Variants in SNTG2 observed in about 807,000 individuals in gnomAD.
The protein encoded by SNTG2 is syntrophin gamma 2.
SNTG2 carries 74 observed loss-of-function variants against 70.9 expected under a neutral mutation model. The observed-to-expected ratio is 1.04, with a 90% confidence interval of 0.86 to 1.27. SNTG2 has a LOEUF of 1.27. Among genes scored for constraint, SNTG2 ranks in the 50% most tolerant of loss-of-function variants. SNTG2 has a pLI of 0.00. For missense variants in SNTG2, 717 were observed against 690.7 expected, an observed-to-expected ratio of 1.04 and a Z score of -0.43; for synonymous variants, 278 against 273.8, an observed-to-expected ratio of 1.02 and a Z score of -0.15.
At chr2:1,222,103 C>CTGTCTG (rs1675187181) in intron 9 of SNTG2, among the ~76,000 whole-genome samples, 1 of 67,872 alleles carries the variant, frequency 1.5e-5, no homozygotes, top group African/African-American at 6.3e-5. Context: ...CTGTCTCTCT[C>CTGTCTG]TGTCTCTCTC....
At chr2:1,265,392 A>G (rs112122892) in intron 13 of SNTG2, among the ~76,000 whole-genome samples, 1 of 152,222 alleles carries the variant, frequency 6.6e-6, no homozygotes, top group African/African-American at 2.4e-5. Context: ...ACACATGTTC[A>G]TGTGTGCACA....
intron 12 of SNTG2, among the ~76,000 whole-genome samples, chr2:1,253,438 G>A (rs1354659157): frequency 6.6e-6 from 1 of 152,218 alleles, no homozygotes; most frequent in Non-Finnish European, 1.5e-5. Flanking sequence ...GCCAGTGAGT[G>A]TTGCTCAGAA....
At chr2:954,800 C>T (rs1267683310) in intron 1 of SNTG2, among the ~76,000 whole-genome samples, 2 of 152,194 alleles carry the variant, frequency 1.3e-5, no homozygotes, top group Non-Finnish European at 2.9e-5. Flanking sequence ...GCTTCTTCAC[C>T]CCATCAGCCT....
intron 1 of SNTG2, among the ~76,000 whole-genome samples, chr2:984,514 T>C (rs1661240758): frequency 6.6e-6 from 1 of 152,204 alleles, no homozygotes; most frequent in African/African-American, 2.4e-5. Flanking sequence ...AAATGCCATC[T>C]ACCCTCTCCC....
At chr2:1,010,267 C>G (rs1659692730) in intron 1 of SNTG2, among the ~76,000 whole-genome samples, 1 of 152,150 alleles carries the variant, frequency 6.6e-6, no homozygotes, top group Admixed American at 6.5e-5. Flanking sequence ...AGTGAAGCTT[C>G]TACAGTAAAA....
intron 14 of SNTG2, among the ~76,000 whole-genome samples, chr2:1,270,729 G>T (rs1446209752): frequency 6.6e-6 from 1 of 152,190 alleles, no homozygotes; most frequent in Non-Finnish European, 1.5e-5. Flanking sequence ...AGCACTGCTG[G>T]ATTTCTTTTC....
At chr2:1,076,288 G>C (rs1572372466) in intron 1 of SNTG2, among the ~76,000 whole-genome samples, 1 of 152,148 alleles carries the variant, frequency 6.6e-6, no homozygotes, top group South Asian at 2.1e-4. Context: ...TTGGAAGTCT[G>C]TTCCTTCCTT....
intron 1 of SNTG2, among the ~76,000 whole-genome samples, chr2:968,700 A>AT (rs1425101072): frequency 6.6e-6 from 1 of 152,062 alleles, no homozygotes; most frequent in African/African-American, 2.4e-5. Flanking sequence ...TCCTTTAACC[A>AT]TTTTTTAATG....
intron 13 of SNTG2, among the ~76,000 whole-genome samples, chr2:1,264,896 C>T (rs968919837): frequency 2.0e-5 from 3 of 152,124 alleles, no homozygotes; most frequent in African/African-American, 4.8e-5. Context: ...GTATATTATA[C>T]GTATAACATA....
chr2:1,232,486 C>T (rs756284696), intron 9 of SNTG2, among the ~76,000 whole-genome samples: 19 of 151,892 alleles, frequency 1.3e-4, no homozygotes, highest in East Asian at 3.9e-4. Flanking sequence ...TTAGTAGAGA[C>T]GGGGTTTCAC....
At chr2:1,350,507 T>A (rs1246562654) in intron 16 of SNTG2, among the ~76,000 whole-genome samples, 1 of 152,220 alleles carries the variant, frequency 6.6e-6, no homozygotes. Flanking sequence ...TGCAGGAGTT[T>A]GGCAATTTAT....
At chr2:1,151,815 A>G (rs1669516547) in intron 6 of SNTG2, among the ~76,000 whole-genome samples, 1 of 152,110 alleles carries the variant, frequency 6.6e-6, no homozygotes, top group African/African-American at 2.4e-5. Context: ...GATTTTACCT[A>G]ATCCTCATAG....
chr2:1,061,754 C>T (rs1014577725), intron 1 of SNTG2, among the ~76,000 whole-genome samples: 3 of 152,176 alleles, frequency 2.0e-5, no homozygotes, highest in Non-Finnish European at 4.4e-5. Flanking sequence ...TGCTGGATAA[C>T]GTGTTAGCTT....
chr2:988,934 C>T (rs1055832175), intron 1 of SNTG2, among the ~76,000 whole-genome samples: 8 of 152,076 alleles, frequency 5.3e-5, no homozygotes, highest in Admixed American at 3.9e-4. Context: ...TTACAATTTT[C>T]GTTGCATGTG....
chr2:992,595 A>G (rs909029039), intron 1 of SNTG2, among the ~76,000 whole-genome samples: 2 of 152,224 alleles, frequency 1.3e-5, no homozygotes, highest in Admixed American at 1.3e-4. Context: ...ATTTCTGAAT[A>G]ACTTTGGAAT....
At chr2:979,020 G>A (rs542773104) in intron 1 of SNTG2, among the ~76,000 whole-genome samples, 30 of 152,330 alleles carry the variant, frequency 2.0e-4, no homozygotes, top group South Asian at 1.2e-3. Flanking sequence ...CCAAGGCCCT[G>A]CTCTTCTTAA....
intron 15 of SNTG2, among the ~76,000 whole-genome samples, chr2:1,312,440 A>G (rs984016383): frequency 1.3e-5 from 2 of 152,296 alleles, no homozygotes; most frequent in East Asian, 1.9e-4. Flanking sequence ...CGACAAGAAT[A>G]GAACCCACAA....
chr2:1,036,327 C>T (rs968109350), intron 1 of SNTG2, among the ~76,000 whole-genome samples: 1 of 151,880 alleles, frequency 6.6e-6, no homozygotes, highest in Non-Finnish European at 1.5e-5. Flanking sequence ...TTCCTCTTAT[C>T]TATACTCTGA....
rs539809159 is a variant in SNTG2, at chr2:1,162,780, G to A, written c.412-2768G>A. 4.6e-4 allele frequency among the ~76,000 whole-genome samples: 63 copies of A among 136,614 alleles called. 1 individual carries two copies. The East Asian group carries it at 7.1e-3, about 15-fold the overall frequency. 89.6% of individuals were successfully genotyped at this position (136,614 alleles called of 152,430 possible). On this transcript the variant is annotated intron_variant, in intron 6 of 16. Transcript: ENST00000308624. ...GGTAGTTTTCTCCAGGATCTTGTGC[G>A]GGGGGAGGATAGAATCAGACAAATC...
Sources: allele counts gnomAD v4.1 joint callset (sites outside exome capture counted in the v4.1 genomes callset), GRCh38; gene constraint gnomAD v4.1.1; transcripts MANE v1.5; gene names NCBI Gene and HGNC (gene_info 2026-07-23, HGNC 2026-07-21).